The following HCN1 variants were observed in gnomAD, a reference collection of about 807,000 sequenced individuals.
HCN1 encodes the protein hyperpolarization activated cyclic nucleotide gated potassium channel 1, also known as potassium/sodium hyperpolarization-activated cyclic nucleotide-gated channel 1.
In HCN1, 13 loss-of-function variants were observed where a neutral mutation model predicts 78.9. The ratio of observed to expected loss-of-function variants is 0.16; its 90% CI spans 0.11 to 0.26. The LOEUF (loss-of-function observed/expected upper bound fraction) is 0.26. Among genes scored for constraint, HCN1 ranks in the 10% least tolerant of loss-of-function variants. The pLI is 1.00. For missense variants in HCN1, 810 were observed against 1,154.3 expected (o/e 0.70, Z 4.32); for synonymous variants, 552 against 455.5 (o/e 1.21, Z -2.70).
At chr5:45,577,653 T>C (rs993740156) in intron 2 of HCN1, among the ~76,000 whole-genome samples, 2 of 152,030 alleles carry the variant, frequency 1.3e-5, no homozygotes, top group Non-Finnish European at 2.9e-5. Flanking sequence ...CTAGGTAGCA[T>C]AAAGTTCTAG....
intron 2 of HCN1, among the ~76,000 whole-genome samples, chr5:45,504,427 A>G (rs934330808): frequency 2.0e-5 from 3 of 152,110 alleles, no homozygotes; most frequent in African/African-American, 7.2e-5. Flanking sequence ...AAGGACATGA[A>G]CTCATCCTTT....
At chr5:45,279,109 G>A (rs1745114659) in intron 6 of HCN1, among the ~76,000 whole-genome samples, 1 of 152,058 alleles carries the variant, frequency 6.6e-6, no homozygotes, top group Non-Finnish European at 1.5e-5. Flanking sequence ...ACAGAAATCA[G>A]CAGACTAAAG....
intron 2 of HCN1, among the ~76,000 whole-genome samples, chr5:45,504,304 A>T (rs192739639): frequency 0.061 from 9,266 of 151,826 alleles, 371 homozygotes; most frequent in Middle Eastern, 0.097. Context: ...CCTGTGTCCA[A>T]GTGTTCTCAT....
At chr5:45,292,458 T>C (rs1579784468) in intron 6 of HCN1, among the ~76,000 whole-genome samples, 1 of 151,958 alleles carries the variant, frequency 6.6e-6, no homozygotes, top group Non-Finnish European at 1.5e-5. Flanking sequence ...TAGACATCAT[T>C]CCTACAGATT....
At chr5:45,542,637 A>G (rs572788950) in intron 2 of HCN1, among the ~76,000 whole-genome samples, 48 of 152,262 alleles carry the variant, frequency 3.2e-4, no homozygotes, top group African/African-American at 1.1e-3. Flanking sequence ...TAATAAACAT[A>G]GCTAAGAACT....
intron 1 of HCN1, among the ~76,000 whole-genome samples, chr5:45,673,956 G>A (rs935706617): frequency 2.6e-5 from 4 of 151,372 alleles, no homozygotes; most frequent in Admixed American, 1.3e-4. Context: ...TGTTAATTAC[G>A]TATGTTAAGT....
chr5:45,310,081 A>G (rs1403066129), intron 5 of HCN1, among the ~76,000 whole-genome samples: 2 of 152,068 alleles, frequency 1.3e-5, no homozygotes, highest in Non-Finnish European at 2.9e-5. Flanking sequence ...GAAGATAACC[A>G]ATACCATTCA....
intron 1 of HCN1, among the ~76,000 whole-genome samples, chr5:45,668,353 A>C (rs925862016): frequency 6.6e-6 from 1 of 151,788 alleles, no homozygotes; most frequent in Non-Finnish European, 1.5e-5. Flanking sequence ...TTCTCACAAG[A>C]TCTGATGGTT....
chr5:45,588,815 T>G (rs1459117005), intron 2 of HCN1, among the ~76,000 whole-genome samples: 2 of 152,162 alleles, frequency 1.3e-5, no homozygotes, highest in African/African-American at 4.8e-5. Context: ...TGATGAACAT[T>G]ACCCTGAAAG....
chr5:45,614,376 A>C (rs1468705289), intron 2 of HCN1, among the ~76,000 whole-genome samples: 1 of 152,120 alleles, frequency 6.6e-6, no homozygotes, highest in Non-Finnish European at 1.5e-5. Context: ...AAAAAGTAGA[A>C]ATACACTTGT....
intron 2 of HCN1, chr5:45,617,339 CG>C (rs1744976871): frequency 6.6e-6 from 1 of 152,072 alleles, no homozygotes; most frequent in Admixed American, 6.6e-5. Flanking sequence ...TAAAGTCCAA[CG>C]GATGTACCTC....
At chr5:45,359,414 A>AT (rs556926268) in intron 4 of HCN1, among the ~76,000 whole-genome samples, 2,285 of 145,198 alleles carry the variant, frequency 0.016, 23 homozygotes, top group South Asian at 0.031. Flanking sequence ...CAAAAAAAAA[A>AT]AAATATATAT....
intron 2 of HCN1, among the ~76,000 whole-genome samples, chr5:45,469,758 ATAAT>A (rs1341816263): frequency 6.6e-6 from 1 of 151,818 alleles, no homozygotes; most frequent in African/African-American, 2.4e-5. Context: ...ATTAAAAAGA[ATAAT>A]TAAAAATCCT....
chr5:45,631,514 C>T (rs1323988860), intron 2 of HCN1, among the ~76,000 whole-genome samples: 1 of 151,962 alleles, frequency 6.6e-6, no homozygotes, highest in Non-Finnish European at 1.5e-5. Flanking sequence ...TTATCATTTG[C>T]TGTGAGAAGC....
intron 2 of HCN1, among the ~76,000 whole-genome samples, chr5:45,499,083 G>C (rs1742127524): frequency 6.6e-6 from 1 of 152,188 alleles, no homozygotes; most frequent in South Asian, 2.1e-4. Context: ...AGGCAGGCAG[G>C]TCTCCTTGAG....
intron 6 of HCN1, among the ~76,000 whole-genome samples, chr5:45,292,905 T>A (rs181521827): frequency 6.6e-6 from 1 of 152,152 alleles, no homozygotes; most frequent in East Asian, 1.9e-4. Flanking sequence ...TTTGAAGAAA[T>A]CATAGTGTTT....
At chr5:45,622,420 T>G (rs931196194) in intron 2 of HCN1, among the ~76,000 whole-genome samples, 2 of 152,152 alleles carry the variant, frequency 1.3e-5, no homozygotes, top group Non-Finnish European at 2.9e-5. Flanking sequence ...TTTTATAATT[T>G]CAAAATTCAC....
chr5:45,357,508 C>T (rs1032833935), intron 4 of HCN1, among the ~76,000 whole-genome samples: 2 of 152,036 alleles, frequency 1.3e-5, no homozygotes, highest in South Asian at 4.1e-4. Context: ...AATTCCGCCT[C>T]CTTTTCGTTG....
rs369162386 is a variant in HCN1, at chr5:45,371,242, C to T, written c.1231-17996G>A. 3.9e-5 allele frequency among the ~76,000 whole-genome samples: 6 copies of T among 151,960 alleles called. No individual in the cohort carries two copies. The East Asian group carries it at 9.7e-4, about 24-fold the overall frequency. On this transcript the variant is annotated intron_variant, in intron 4 of 7. Coordinates refer to ENST00000303230, the MANE Select transcript of HCN1 (RefSeq NM_021072.4). Reference sequence around the variant, plus strand: ...AATTAGAGAAACAAGAGCAAATCAACCCCAAAGCTAGCAGACAGGAAATAA... The same window carrying T: ...AATTAGAGAAACAAGAGCAAATCAATCCCAAAGCTAGCAGACAGGAAATAA...
Sources: gnomAD v4.1 joint callset for allele counts (sites outside exome capture counted in the v4.1 genomes callset) on GRCh38, gnomAD v4.1.1 for gene constraint, MANE v1.5 for transcripts, NCBI Gene and HGNC (gene_info 2026-07-23, HGNC 2026-07-21) for gene names.